The following PGAP6 variants were observed in gnomAD, a reference collection of about 807,000 sequenced individuals.
PGAP6 encodes the protein post-GPI attachment to proteins 6.
Under a neutral mutation model 68.4 loss-of-function variants are expected in PGAP6, and 62 were observed. The ratio of observed to expected loss-of-function variants is 0.91; its 90% CI spans 0.74 to 1.12. PGAP6 has a LOEUF of 1.12. Ranked by LOEUF, PGAP6 falls within the 50% of genes most tolerant of loss-of-function variation. The probability of loss-of-function intolerance (pLI) is 0.00; values close to 1 mark genes in which losing one functional copy is unlikely to be tolerated. For missense variants in PGAP6, 1,188 were observed against 1,068.5 expected (o/e 1.11, Z -1.56); for synonymous variants, 575 against 474.0 (o/e 1.21, Z -2.77).
chr16:377,637 G>A (rs763566032), intron 2 of PGAP6, 34 bp downstream of exon 2: 30 of 1,572,350 alleles, frequency 1.9e-5, no homozygotes, highest in South Asian at 4.6e-5. Context: ...GGCCAGGCGC[G>A]GGAGGGTGGG....
chr16:378,490 A>ACCCG (rs2054411532), intron 1 of PGAP6, among the ~76,000 whole-genome samples: 2 of 13,018 alleles, frequency 1.5e-4, no homozygotes, highest in East Asian at 1.4e-3. Flanking sequence ...TGCCATCGCC[A>ACCCG]CTCTGACTGC....
chr16:379,368 C>T (rs1338844616), intron 1 of PGAP6, among the ~76,000 whole-genome samples: 3 of 152,234 alleles, frequency 2.0e-5, no homozygotes, highest in Non-Finnish European at 4.4e-5. Flanking sequence ...GGCCAAGCTC[C>T]AGGGGAACCT....
At chr16:385,524 G>T (rs112894391), upstream of PGAP6, among the ~76,000 whole-genome samples, 44,923 of 132,700 alleles carry the variant, frequency 0.34, 9,415 homozygotes, top group African/African-American at 0.53. Flanking sequence ...TGTTAGCCAG[G>T]ATGGTCTCGA....
At position 376,156 on chromosome 16, in the gene PGAP6, T is replaced by C. The variant is rs748864525; in HGVS notation, c.1204A>G (p.Ile402Val). 16 of 1,605,498 alleles carry C rather than the reference T, an allele frequency of 1.0e-5. 1 individual carries two copies. In the African/African-American group the frequency reaches 1.6e-4, roughly 16 times the overall value. ...GGTACCTTGTTGGCCCGCAGGGAGA[T>C]GGTGAGGGAACCCCCGCTGTCCATG... ...TGMDSGGSLT[I>V]SLRANKTEMR... Residue 402 changes from isoleucine (I) to valine (V), a missense_variant, in exon 6 of 13, where the codon ATC becomes GTC. Transcript: ENST00000431232.
chr16:373,942 C>A, intron 11 of PGAP6, 63 bp downstream of exon 11: 2 of 1,513,556 alleles, frequency 1.3e-6, no homozygotes, highest in Non-Finnish European at 1.8e-6. Context: ...TACTGCCTTT[C>A]GCAGGCTGCA....
chr16:376,741 C>A lies in PGAP6; in HGVS notation c.707G>T (p.Gly236Val). The A allele has an allele frequency of 6.2e-7, 1 of 1,611,498 alleles. No individual in the cohort carries two copies. ...LRDCVSNGSL[G>V]CPVRLTVGPV... ...GCCCACGGTGAGACGCACGGGGCAG[C>A]CCAGGCTCCCATTGGACACGCAGTC... The change falls in exon 5 of 13, where the codon GGC becomes GTC. Residue 236 changes from glycine to valine, a missense_variant. Physicochemically the swap from Gly to Val is moderately radical, Grantham distance 109 (BLOSUM62 -3). Coordinates refer to ENST00000431232, the MANE Select transcript of PGAP6 (RefSeq NM_021259.3).
rs542132610 is a variant in PGAP6, at chr16:372,217, G to A, written c.2086C>T (p.Leu696=). The change falls in exon 13 of 13, where the codon CTG becomes TTG. Residue 696 remains leucine, a synonymous_variant. Coordinates refer to ENST00000431232, the MANE Select transcript of PGAP6 (RefSeq NM_021259.3). ...TSWQRWAFYL[L]PGVSMASVGI... ...ACAGAGGCCATAGAGACGCCGGGCA[G>A]GAGGTAGAAGGCCCAGCGCTGCCAC... 3.1e-6 allele frequency: 5 copies of A among 1,612,568 alleles called. No individual in the cohort carries two copies. The South Asian group carries it at 5.5e-5, about 18-fold the overall frequency.
At chr16:385,365 T>C (rs528858141), upstream of PGAP6, among the ~76,000 whole-genome samples, 359 of 136,322 alleles carry the variant, frequency 2.6e-3, 1 homozygote, top group African/African-American at 4.2e-3. Context: ...CAGGCTGGAG[T>C]GCAGTGATGC....
Position 375,428 on chromosome 16 carries a change from A to G in PGAP6, c.1232T>C (p.Met411Thr), listed in dbSNP as rs985314413. The G allele has an allele frequency of 2.5e-6, 4 of 1,612,126 alleles. No homozygotes were observed. Among genetic ancestry groups the G allele is most frequent in the South Asian group, 1.1e-5 (1 of 91,054 alleles). ...TISLRANKTE[M>T]RNETVVVACV... ...GGCCACTACGACGGTCTCGTTCCGC[A>G]TCTCTGTCTGGAAAGGGAGGCGGTG... Residue 411 changes from methionine (M) to threonine (T), a missense_variant, in exon 7 of 13, where the codon ATG becomes ACG. Physicochemically the swap from Met to Thr is moderately conservative, Grantham distance 81 (BLOSUM62 -1). Transcript: ENST00000431232.
upstream of PGAP6, among the ~76,000 whole-genome samples, chr16:385,522 A>G (rs572694962): frequency 3.3e-5 from 5 of 150,384 alleles, no homozygotes; most frequent in African/African-American, 7.4e-5. Flanking sequence ...CCTGTTAGCC[A>G]GGATGGTCTC....
At chr16:386,869 T>C (rs964730505), upstream of PGAP6, 1 of 665,580 alleles carries the variant, frequency 1.5e-6, no homozygotes, top group Non-Finnish European at 2.7e-6. Context: ...CACAGCCACA[T>C]AAAAAAGAAG....
intron 1 of PGAP6, among the ~76,000 whole-genome samples, chr16:378,897 G>T (rs1023162524): frequency 6.6e-6 from 1 of 152,218 alleles, no homozygotes; most frequent in Non-Finnish European, 1.5e-5. Context: ...CACGCCTGGT[G>T]CGGGGATGGA....
rs549388172 is a variant in PGAP6, at chr16:377,373, C to G, written c.507+5G>C. ...GCCTCCATCCCGGAGGGCAGCCCCCCTCACCTTCAACTCGATCTTCTGGGA... is the reference window on the plus strand; with the variant it reads ...GCCTCCATCCCGGAGGGCAGCCCCCGTCACCTTCAACTCGATCTTCTGGGA... On this transcript the variant is annotated splice_donor_5th_base_variant and intron_variant, in intron 3 of 12. Coordinates refer to ENST00000431232, the MANE Select transcript of PGAP6 (RefSeq NM_021259.3). 1.4e-4 allele frequency: 220 copies of G among 1,584,060 alleles called. 2 individuals carry two copies. In the South Asian group the frequency reaches 2.2e-3, roughly 16 times the overall value.
At chr16:372,564 C>T (rs747431064) in intron 12 of PGAP6, 47 bp downstream of exon 12, 5 of 1,464,042 alleles carry the variant, frequency 3.4e-6, no homozygotes, top group East Asian at 2.3e-5. Flanking sequence ...GCCAGGCTCT[C>T]TTCTCCGAGC....
chr16:381,735 G>C lies in PGAP6; in HGVS notation c.87C>G (p.Pro29=). Residue 29 remains proline (P), a synonymous_variant, in exon 1 of 13, where the codon CCC becomes CCG. Coordinates refer to ENST00000431232, the MANE Select transcript of PGAP6 (RefSeq NM_021259.3). ...CGCTGTAGCCGGCGGAGGCAGGCGG[G>C]GGCCGGGCAAGCAGCAGCAGCAGCA... ...GPLLLLLLAR[P]PPASAGYSGK... is the part of the protein sequence containing the mutation. 1 of 1,214,050 alleles carries C rather than the reference G, an allele frequency of 8.2e-7. No individual in the cohort carries two copies. Among genetic ancestry groups the C allele is most frequent in the Non-Finnish European group, 1.0e-6 (1 of 975,094 alleles). 75.2% of individuals were successfully genotyped at this position (1,214,050 alleles called of 1,614,324 possible).
upstream of PGAP6, among the ~76,000 whole-genome samples, chr16:382,807 C>T (rs956680302): frequency 2.4e-4 from 37 of 152,116 alleles, no homozygotes; most frequent in African/African-American, 8.7e-4. Flanking sequence ...AAGACGAGCC[C>T]CCGACTGGGA....
intron 1 of PGAP6, among the ~76,000 whole-genome samples, chr16:379,758 ACTCCCAGGGCTCACAGCCCCTCCAGGCCT>A (rs1473422603): frequency 5.3e-4 from 81 of 152,062 alleles, no homozygotes; most frequent in African/African-American, 2.0e-3. Context: ...CCAGTCCCCG[ACTCCCAGGGCTCACAGCCCCTCCAGGCCT>A]CTCCCAGGGC....
chr16:377,134 G>A lies in PGAP6; in HGVS notation c.538C>T (p.Gln180Ter). 3 of 1,613,642 alleles carry A rather than the reference G, an allele frequency of 1.9e-6. No homozygotes were observed. Among genetic ancestry groups the A allele is most frequent in the Non-Finnish European group, 2.5e-6 (3 of 1,180,026 alleles). ...ACCCGCGTGACCAGCAGTTCAGGCT[G>A]GAAGACGTAGGCACAGGTGGGAGCC... ...GLAPTCAYVF[Q>*]PELLVTRVVE... is the part of the protein sequence containing the mutation. The change falls in exon 4 of 13, where the codon CAG (glutamine) becomes TAG (stop). Residue 180 changes from glutamine (Q) to a stop codon, truncating the protein, a stop_gained. Coordinates refer to ENST00000431232, the MANE Select transcript of PGAP6 (RefSeq NM_021259.3). LOFTEE classifies it high-confidence loss of function.
upstream of PGAP6, among the ~76,000 whole-genome samples, chr16:384,937 C>T (rs139457713): frequency 2.5e-4 from 38 of 151,352 alleles, no homozygotes; most frequent in East Asian, 5.1e-3. Context: ...CTAAGGTGGG[C>T]GGGTCACCTG....
Sources: allele counts gnomAD v4.1 joint callset (sites outside exome capture counted in the v4.1 genomes callset), GRCh38; gene constraint gnomAD v4.1.1; transcripts MANE v1.5; gene names NCBI Gene and HGNC (gene_info 2026-07-23, HGNC 2026-07-21).